NTHL1: variants seen among roughly 807,000 people sequenced by gnomAD.
NTHL1 encodes the protein nth like DNA glycosylase 1.
Under a neutral mutation model 32.3 loss-of-function variants are expected in NTHL1, and 32 were observed. The ratio of observed to expected loss-of-function variants is 0.99; its 90% CI spans 0.75 to 1.33. The LOEUF (loss-of-function observed/expected upper bound fraction) is 1.33, where lower values mean the gene tolerates loss of function less well. NTHL1 is among the 40% of genes most tolerant of loss of function. The probability of loss-of-function intolerance (pLI) is 0.00; values close to 1 mark genes in which losing one functional copy is unlikely to be tolerated. For missense variants in NTHL1, 501 were observed against 414.1 expected (o/e 1.21, Z -1.82); for synonymous variants, 188 against 176.9 (o/e 1.06, Z -0.50).
In NTHL1 at chr16:2,044,745, T is replaced by A. The variant is rs2084318917; in HGVS notation, c.410A>T (p.Gln137Leu). The change falls in exon 3 of 6, where the codon CAG becomes CTG. Residue 137 changes from glutamine to leucine, a missense_variant. Coordinates refer to ENST00000651570, the MANE Select transcript of NTHL1 (RefSeq NM_002528.7). This position sits in a 1 kb window ranked among gnomAD's most constrained non-coding sequence, Gnocchi z 5.0. ...TCGCTGCATGGCGCCCGCCGTCACC[T>A]GGTCTTTGGTTTGGCTGGAGAGCAT... ...SLMLSSQTKDQVTAGAMQRLR... is the reference protein window; with the variant it reads ...SLMLSSQTKDLVTAGAMQRLR... The A allele has an allele frequency of 1.2e-6, 2 of 1,612,294 alleles. No homozygotes were observed. The highest frequency in any genetic ancestry group is 2.2e-5 in the East Asian group (1 of 44,850).
At chr16:2,040,527 T>G in intron 4 of NTHL1, 1 of 522,926 alleles carries the variant, frequency 1.9e-6, no homozygotes, top group Non-Finnish European at 3.5e-6. Flanking sequence ...GTTGGATGTG[T>G]GGGTGGTGGG....
Position 2,039,919 on chromosome 16 carries a change from G to C in NTHL1, c.*5C>G, listed in dbSNP as rs768895377. On this transcript the variant is annotated 3_prime_UTR_variant, in exon 6 of 6. Transcript: ENST00000651570. ...AGCGGCACCTCGGCCAGAGCCATGCGGCCATCAGAGACCCTGGGCGGCCGG... is the reference window on the plus strand; with the variant it reads ...AGCGGCACCTCGGCCAGAGCCATGCCGCCATCAGAGACCCTGGGCGGCCGG... The C allele has an allele frequency of 1.2e-6, 2 of 1,600,958 alleles. No individual in the cohort carries two copies. The highest frequency in any genetic ancestry group is 1.7e-6 in the Non-Finnish European group (2 of 1,179,818).
Position 2,043,860 on chromosome 16 carries a change from C to G in NTHL1, c.526-134G>C, listed in dbSNP as rs1281743220. 1.3e-5 allele frequency: 14 copies of G among 1,073,542 alleles called. No individual in the cohort carries two copies. The highest frequency in any genetic ancestry group is 1.6e-5 in the African/African-American group (1 of 64,250). 66.5% of individuals were successfully genotyped at this position (1,073,542 alleles called of 1,614,324 possible). ...GGACGTGTGCAAGCTCAGCCCCCGC[C>G]CCCCAGGAGGCGGGAACAAGCGGAG... is the stretch of plus-strand genomic sequence containing the variant. On this transcript the variant is annotated intron_variant, in intron 3 of 5. Coordinates refer to ENST00000651570, the MANE Select transcript of NTHL1 (RefSeq NM_002528.7). The surrounding 1 kb of genome is among the most constrained non-coding windows in gnomAD (Gnocchi z 4.4).
rs957869689 is a variant in NTHL1, at chr16:2,043,296, C to T, written c.685+271G>A. 1.3e-5 allele frequency among the ~76,000 whole-genome samples: 2 copies of T among 152,198 alleles called. No individual in the cohort carries two copies. Among genetic ancestry groups the T allele is most frequent in the Admixed American group, 1.3e-4 (2 of 15,302 alleles). ...CTCCACGAGTGGGGAATTCCTCGCT[C>T]CACATTTCTCCCGAATACAACGCAG... On this transcript the variant is annotated intron_variant, in intron 4 of 5. Coordinates refer to ENST00000651570, the MANE Select transcript of NTHL1 (RefSeq NM_002528.7). This position sits in a 1 kb window ranked among gnomAD's most constrained non-coding sequence, Gnocchi z 4.4.
chr16:2,046,559 C>T (rs2084405311), intron 1 of NTHL1, among the ~76,000 whole-genome samples, 193 bp from the exon 2 acceptor site: 2 of 152,302 alleles, frequency 1.3e-5, no homozygotes. Context: ...TGACAAGGTC[C>T]ATGTTAGCTC....
intron 4 of NTHL1, chr16:2,040,491 G>GC: frequency 1.7e-6 from 1 of 577,572 alleles, no homozygotes; most frequent in Non-Finnish European, 3.1e-6. Flanking sequence ...TCTGTTCTGG[G>GC]CTGCCCACTC....
chr16:2,046,497 G>T, intron 1 of NTHL1, 131 bp from the exon 2 acceptor site: 1 of 824,178 alleles, frequency 1.2e-6, no homozygotes, highest in Non-Finnish European at 1.9e-6. Context: ...CACTTGGGGT[G>T]CTCTGCCCTC....
chr16:2,039,883 A>G lies in NTHL1; in HGVS notation c.*41T>C. Reference sequence around the variant, plus strand: ...CCTGAAGCGTAAAGCCACTTCACAGACGGTGGCCACAGCGGCACCTCGGCC... The same window carrying G: ...CCTGAAGCGTAAAGCCACTTCACAGGCGGTGGCCACAGCGGCACCTCGGCC... On this transcript the variant is annotated 3_prime_UTR_variant, in exon 6 of 6. Transcript: ENST00000651570. The G allele has an allele frequency of 6.3e-7, 1 of 1,597,682 alleles. No individual in the cohort carries two copies. The highest frequency in any genetic ancestry group is 8.5e-7 in the Non-Finnish European group (1 of 1,179,506).
Position 2,040,051 on chromosome 16 carries a change from TGGGGGTGG to T in NTHL1, c.792-12_792-5del. The T allele has an allele frequency of 6.2e-7, 1 of 1,611,874 alleles. No individual in the cohort carries two copies. ...ATTGATCTCGTGCCACAGCTCCCTG[TGGGGGTGG>T]GGGCTGGGTCAGTGCTGACAGAGGG... On this transcript the variant is annotated splice_polypyrimidine_tract_variant and splice_region_variant and intron_variant, in intron 5 of 5. Coordinates refer to ENST00000651570, the MANE Select transcript of NTHL1 (RefSeq NM_002528.7).
Position 2,044,518 on chromosome 16 carries a change from G to T in NTHL1, c.525+112C>A. On this transcript the variant is annotated intron_variant, in intron 3 of 5. Coordinates refer to ENST00000651570, the MANE Select transcript of NTHL1 (RefSeq NM_002528.7). This position sits in a 1 kb window ranked among gnomAD's most constrained non-coding sequence, Gnocchi z 5.0. Reference sequence around the variant, plus strand: ...GGGGGGGGCTTCAGGGGGACCCCCCGAGCCTGAGATGCTTGACCCTCACTT... The same window carrying T: ...GGGGGGGGCTTCAGGGGGACCCCCCTAGCCTGAGATGCTTGACCCTCACTT... 1 of 1,431,272 alleles carries T rather than the reference G, an allele frequency of 7.0e-7. No individual in the cohort carries two copies. Among genetic ancestry groups the T allele is most frequent in the Non-Finnish European group, 9.7e-7 (1 of 1,034,886 alleles). The allele number at this position is 1,431,272 out of a possible 1,614,324, so 88.7% of individuals were successfully genotyped here.
rs773364076 is a variant in NTHL1, at chr16:2,046,330, C to T, written c.152G>A (p.Arg51Gln). The T allele has an allele frequency of 8.1e-6, 13 of 1,610,422 alleles. No homozygotes were observed. The highest frequency in any genetic ancestry group is 6.7e-5 in the Admixed American group (4 of 59,958). The change falls in exon 2 of 6, where the codon CGG becomes CAG. Residue 51 changes from arginine (R) to glutamine (Q), a missense_variant. Arg to Gln is a conservative substitution (Grantham distance 43). Coordinates refer to ENST00000651570, the MANE Select transcript of NTHL1 (RefSeq NM_002528.7). ...RKSHSPVKRP[R>Q]KAQRLRVAYE... ...GGCCACACGCAGTCTCTGTGCTTTC[C>T]GCGGACGCTTCACGGGGCTGTGGCT...
intron 1 of NTHL1, chr16:2,047,481 G>T (rs1596226868): frequency 2.9e-6 from 2 of 678,650 alleles, no homozygotes; most frequent in East Asian, 2.9e-5. Context: ...CTTGCTTGGG[G>T]CGAAAGGGGG....
At chr16:2,047,254 T>G in intron 1 of NTHL1, 1 of 199,900 alleles carries the variant, frequency 5.0e-6, no homozygotes, top group Non-Finnish European at 1.0e-5. Context: ...CAGCAGGTCC[T>G]CAACGGCTGC....
chr16:2,043,337 G>T lies in NTHL1; in HGVS notation c.685+230C>A. On this transcript the variant is annotated intron_variant, in intron 4 of 5. Transcript: ENST00000651570. The surrounding 1 kb of genome is among the most constrained non-coding windows in gnomAD (Gnocchi z 4.4). ...TACAACGCAGATGGAGTCCAGCTCC[G>T]GGGCCTCTCTCAGAGCCCTGCACGG... The T allele has an allele frequency of 1.7e-6, 1 of 596,168 alleles. No individual in the cohort carries two copies. The highest frequency in any genetic ancestry group is 3.0e-6 in the Non-Finnish European group (1 of 336,468). 36.9% of individuals were successfully genotyped at this position (596,168 alleles called of 1,614,324 possible). A position where few individuals can be genotyped will look rare whatever the true frequency, so the allele number is the denominator to read the frequency against.
At position 2,043,620 on chromosome 16, in the gene NTHL1, G is replaced by A. The variant is rs2084298434; in HGVS notation, c.632C>T (p.Pro211Leu). The A allele has an allele frequency of 6.2e-7, 1 of 1,610,704 alleles. No homozygotes were observed. Among genetic ancestry groups the A allele is most frequent in the Non-Finnish European group, 8.5e-7 (1 of 1,179,950 alleles). The change falls in exon 4 of 6, where the codon CCC becomes CTC. Residue 211 changes from proline to leucine, a missense_variant. Coordinates refer to ENST00000651570, the MANE Select transcript of NTHL1 (RefSeq NM_002528.7). The surrounding 1 kb of genome is among the most constrained non-coding windows in gnomAD (Gnocchi z 4.4). ...AGCCATAGCCAGGTGTGCCATCTTG[G>A]GCCCAACACCCGGCAGCGCCACCAG... ...AELVALPGVG[P>L]KMAHLAMAVA...
chr16:2,040,247 A>G lies in NTHL1; in HGVS notation c.686-9T>C, dbSNP rs1213514224. The G allele has an allele frequency of 5.0e-6, 8 of 1,612,612 alleles. No homozygotes were observed. The African/African-American group carries it at 5.3e-5, about 11-fold the overall frequency. On this transcript the variant is annotated splice_polypyrimidine_tract_variant and intron_variant, in intron 4 of 5. Coordinates refer to ENST00000651570, the MANE Select transcript of NTHL1 (RefSeq NM_002528.7). Reference sequence around the variant, plus strand: ...CACATGCGTGTCCACTGCTGCTGGGAGGCCAAGCGGGGTGAACAGGGGCAC... The same window carrying G: ...CACATGCGTGTCCACTGCTGCTGGGGGGCCAAGCGGGGTGAACAGGGGCAC...
chr16:2,042,516 G>A (rs1378022458), intron 4 of NTHL1, among the ~76,000 whole-genome samples: 1 of 152,154 alleles, frequency 6.6e-6, no homozygotes, highest in East Asian at 1.9e-4. Context: ...CCCGCCTCCG[G>A]CACAGGCCCC....
intron 4 of NTHL1, among the ~76,000 whole-genome samples, chr16:2,040,821 C>T (rs995893492): frequency 2.6e-5 from 4 of 152,216 alleles, no homozygotes; most frequent in Admixed American, 6.5e-5. Context: ...TCTCCTGTGG[C>T]CTGAGGCTCC....
In NTHL1 at chr16:2,044,087, C is replaced by G; in HGVS notation, c.526-361G>C. 2.6e-6 allele frequency: 1 copy of G among 383,550 alleles called. No homozygotes were observed. Among genetic ancestry groups the G allele is most frequent in the Non-Finnish European group, 4.9e-6 (1 of 202,948 alleles). 23.8% of individuals were successfully genotyped at this position (383,550 alleles called of 1,614,324 possible). ...GAAGGAGGGCTGGAGCTGGGGCTTC[C>G]CCACCAGCTGCCAGGCCTGCCGGGT... On this transcript the variant is annotated intron_variant, in intron 3 of 5. Coordinates refer to ENST00000651570, the MANE Select transcript of NTHL1 (RefSeq NM_002528.7). This position sits in a 1 kb window ranked among gnomAD's most constrained non-coding sequence, Gnocchi z 5.0.
Sources: gnomAD v4.1 joint callset for allele counts (sites outside exome capture counted in the v4.1 genomes callset) on GRCh38, gnomAD v4.1.1 for gene constraint, Gnocchi (gnomAD v3.1) non-coding constraint, MANE v1.5 for transcripts, NCBI Gene and HGNC (gene_info 2026-07-23, HGNC 2026-07-21) for gene names.